The following NEU3 variants were observed in gnomAD, a reference collection of about 807,000 sequenced individuals.
NEU3 encodes neuraminidase 3.
In NEU3, 10 loss-of-function variants were observed where a neutral mutation model predicts 11.4. The observed-to-expected ratio is 0.88, with a 90% CI of 0.54 to 1.49. NEU3 has a LOEUF of 1.49. Among genes scored for constraint, NEU3 ranks in the 40% most tolerant of loss-of-function variants. The probability of loss-of-function intolerance (pLI) is 0.00; values close to 1 mark genes in which losing one functional copy is unlikely to be tolerated. For missense variants in NEU3, 529 were observed against 581.8 expected (o/e 0.91, Z 0.93); for synonymous variants, 212 against 228.2 (o/e 0.93, Z 0.64).
At chr11:74,996,431 G>A (rs1413988134) in intron 2 of NEU3, among the ~76,000 whole-genome samples, 1 of 152,130 alleles carries the variant, frequency 6.6e-6, no homozygotes, top group Admixed American at 6.5e-5. Flanking sequence ...TCTATAAGAA[G>A]CAACTCATTT....
At chr11:74,994,948 T>A in intron 2 of NEU3, 2 of 655,250 alleles carry the variant, frequency 3.1e-6, no homozygotes, top group Non-Finnish European at 5.6e-6. Flanking sequence ...CAGTCATATT[T>A]TACAGACAAG....
At chr11:75,002,208 C>T (rs1948851849) in intron 2 of NEU3, among the ~76,000 whole-genome samples, 1 of 151,978 alleles carries the variant, frequency 6.6e-6, no homozygotes, top group South Asian at 2.1e-4. Context: ...TTATCTAGAC[C>T]CAGATCATGT....
At chr11:75,013,209 T>C (rs1183966030), downstream of NEU3, among the ~76,000 whole-genome samples, 7 of 152,192 alleles carry the variant, frequency 4.6e-5, no homozygotes, top group Non-Finnish European at 1.0e-4. Flanking sequence ...AACCAGTTGA[T>C]TCAGCTCTAT....
intron 3 of NEU3, among the ~76,000 whole-genome samples, chr11:75,017,803 T>A (rs1004622254): frequency 6.6e-6 from 1 of 152,110 alleles, no homozygotes; most frequent in African/African-American, 2.4e-5. Flanking sequence ...GAAAAAGACC[T>A]CTGTACTGAA....
At chr11:75,004,922 C>CT (rs969957913) in intron 2 of NEU3, among the ~76,000 whole-genome samples, 116 of 148,338 alleles carry the variant, frequency 7.8e-4, no homozygotes, top group Middle Eastern at 3.5e-3. Flanking sequence ...CCTTTCCTTT[C>CT]TTTTTTTTTT....
chr11:75,004,035 T>TGGCAGCCTATGGTAAGGACCAAAGGGA, intron 2 of NEU3, among the ~76,000 whole-genome samples: 1 of 152,358 alleles, frequency 6.6e-6, no homozygotes, highest in South Asian at 2.1e-4. Context: ...CAATGCTACA[T>TGGCAGCCTATGGTAAGGACCAAAGGGA]TTGAATAATC....
chr11:74,995,870 T>C (rs1405145056), intron 2 of NEU3, among the ~76,000 whole-genome samples: 1 of 152,030 alleles, frequency 6.6e-6, no homozygotes, highest in Non-Finnish European at 1.5e-5. Context: ...AATAAGACAA[T>C]GGGCTGGGCA....
downstream of NEU3, among the ~76,000 whole-genome samples, chr11:75,015,131 T>G (rs1948975550): frequency 6.6e-6 from 1 of 152,088 alleles, no homozygotes; most frequent in South Asian, 2.1e-4. Flanking sequence ...TCTTAAGAGG[T>G]GGGGTCTTTG....
downstream of NEU3, among the ~76,000 whole-genome samples, chr11:75,012,055 G>C (rs1183229653): frequency 6.6e-6 from 1 of 152,088 alleles, no homozygotes; most frequent in Non-Finnish European, 1.5e-5. Flanking sequence ...ATCATGATCT[G>C]GCAGTTTTGA....
intron 3 of NEU3, among the ~76,000 whole-genome samples, chr11:75,016,289 A>G (rs555509826): frequency 4.6e-5 from 7 of 152,304 alleles, no homozygotes; most frequent in African/African-American, 1.7e-4. Flanking sequence ...GGCCAAAGAC[A>G]GAGGTCCTCC....
chr11:74,996,048 G>A (rs1948787551), intron 2 of NEU3, among the ~76,000 whole-genome samples: 3 of 151,974 alleles, frequency 2.0e-5, no homozygotes, highest in South Asian at 2.1e-4. Flanking sequence ...GCAGCTACTC[G>A]GGAGGCTGAG....
chr11:75,018,358 G>A (rs1176635618), intron 3 of NEU3, among the ~76,000 whole-genome samples: 1 of 152,074 alleles, frequency 6.6e-6, no homozygotes, highest in Non-Finnish European at 1.5e-5. Context: ...TGTTGCCGAA[G>A]GAGACTAACA....
intron 2 of NEU3, among the ~76,000 whole-genome samples, chr11:74,996,479 C>T (rs1948791848): frequency 1.3e-5 from 2 of 152,202 alleles, no homozygotes; most frequent in Admixed American, 6.5e-5. Context: ...AATTTAGTCA[C>T]ATCTTCAGGC....
rs374973319 is a variant in NEU3 at position 75,006,177 on chromosome 11, G to A, written c.1071G>A (p.Pro357=). The A allele has an allele frequency of 1.9e-5, 31 of 1,613,890 alleles. No individual in the cohort carries two copies. Among genetic ancestry groups the A allele is most frequent in the South Asian group, 1.3e-4 (12 of 91,088 alleles). ...SLRLEEEAGT[P]SESWLLYSHP... ...GGCTGGAGGAGGAAGCTGGAACACC[G>A]TCAGAATCATGGCTCTTGTACTCAC... The change falls in exon 3 of 3, where the codon CCG becomes CCA. Residue 357 remains proline (P), a synonymous_variant. Coordinates refer to ENST00000294064, the MANE Select transcript of NEU3 (RefSeq NM_006656.6).
chr11:74,991,740 T>C (rs1287562640), intron 1 of NEU3, among the ~76,000 whole-genome samples: 1 of 152,240 alleles, frequency 6.6e-6, no homozygotes, highest in Non-Finnish European at 1.5e-5. Context: ...TTCTGTTGCC[T>C]ATAGGCTTTT....
downstream of NEU3, among the ~76,000 whole-genome samples, chr11:75,013,954 T>G (rs1461714157): frequency 6.6e-6 from 1 of 152,142 alleles, no homozygotes; most frequent in African/African-American, 2.4e-5. Context: ...GCCTCTTAAG[T>G]CCTTGGAACA....
chr11:74,988,997 C>T lies in NEU3; in HGVS notation c.-64C>T. 2.4e-6 allele frequency: 3 copies of T among 1,263,078 alleles called. No homozygotes were observed. The highest frequency in any genetic ancestry group is 1.5e-5 in the African/African-American group (1 of 66,466). 78.2% of individuals were successfully genotyped at this position (1,263,078 alleles called of 1,614,324 possible). Reference sequence around the variant, plus strand: ...TCCTCCGTCTCAGTTGTTTCTCCCTCTCTATCCTCCTCTGTCTCAGTCTCC... The same window carrying T: ...TCCTCCGTCTCAGTTGTTTCTCCCTTTCTATCCTCCTCTGTCTCAGTCTCC... On this transcript the variant is annotated 5_prime_UTR_variant, in exon 1 of 3. Coordinates refer to ENST00000294064, the MANE Select transcript of NEU3 (RefSeq NM_006656.6).
At chr11:75,019,394 C>T (rs150583877), downstream of NEU3, among the ~76,000 whole-genome samples, 681 of 152,312 alleles carry the variant, frequency 4.5e-3, 3 homozygotes, top group East Asian at 9.3e-3. Flanking sequence ...CCAGGGTCCC[C>T]GTGCTGTGTG....
Position 75,009,661 on chromosome 11 carries a change from C to T in NEU3, c.*3169C>T, listed in dbSNP as rs948268981. On this transcript the variant is annotated 3_prime_UTR_variant, in exon 3 of 3. Transcript: ENST00000294064. ...GCCCTCAGGAGCCCCCTTCCTGTCC[C>T]TTGGACTCAGAATGGATCCTTCCAG... 2.6e-5 allele frequency: 4 copies of T among 152,348 alleles called. No homozygotes were observed. Among genetic ancestry groups the T allele is most frequent in the Non-Finnish European group, 4.4e-5 (3 of 68,156 alleles). 9.4% of individuals were successfully genotyped at this position (152,348 alleles called of 1,614,324 possible). A position where few individuals can be genotyped will look rare whatever the true frequency, so the allele number is the denominator to read the frequency against.
Sources: allele counts gnomAD v4.1 joint callset (sites outside exome capture counted in the v4.1 genomes callset), GRCh38; gene constraint gnomAD v4.1.1; transcripts MANE v1.5; gene names NCBI Gene and HGNC (gene_info 2026-07-23, HGNC 2026-07-21).